CTNNA3: variants seen among roughly 807,000 people sequenced by gnomAD.
CTNNA3 encodes the protein catenin alpha-3.
In CTNNA3, 76 loss-of-function variants were observed where a neutral mutation model predicts 95.7. The observed-to-expected ratio is 0.79, with a 90% CI of 0.66 to 0.96. The LOEUF (loss-of-function observed/expected upper bound fraction) is 0.96. Ranked by LOEUF, CTNNA3 falls within the 40% of genes least tolerant of loss-of-function variation. CTNNA3 has a pLI of 0.00. For missense variants in CTNNA3, 1,191 were observed against 1,089.8 expected (o/e 1.09, Z -1.31); for synonymous variants, 431 against 374.4 (o/e 1.15, Z -1.74).
chr10:67,367,544 G>A (rs958796123), intron 5 of CTNNA3, among the ~76,000 whole-genome samples: 1 of 152,090 alleles, frequency 6.6e-6, no homozygotes, highest in African/African-American at 2.4e-5. Context: ...ATTACCATGC[G>A]AACAGCAATC....
chr10:67,510,919 G>A (rs1839605277), intron 5 of CTNNA3, among the ~76,000 whole-genome samples: 1 of 152,174 alleles, frequency 6.6e-6, no homozygotes, highest in African/African-American at 2.4e-5. Context: ...TCCCTTGTAA[G>A]TTGGATCCCT....
intron 1 of CTNNA3, among the ~76,000 whole-genome samples, chr10:67,672,273 G>A (rs1350689386): frequency 6.6e-6 from 1 of 152,120 alleles, no homozygotes; most frequent in Non-Finnish European, 1.5e-5. Context: ...TTTGTCAGAT[G>A]AGTAGGTTGC....
At chr10:65,935,102 A>G (rs2077314725) in intron 17 of CTNNA3, among the ~76,000 whole-genome samples, 3 of 152,160 alleles carry the variant, frequency 2.0e-5, no homozygotes, top group South Asian at 2.1e-4. Flanking sequence ...TGTTCATATA[A>G]CATGATATGT....
At chr10:67,667,699 C>G (rs1346726412) in intron 1 of CTNNA3, among the ~76,000 whole-genome samples, 2 of 152,086 alleles carry the variant, frequency 1.3e-5, no homozygotes, top group African/African-American at 4.8e-5. Context: ...ATAAGATCGT[C>G]TCTCATACTC....
chr10:65,924,360 G>A (rs2077134241), intron 17 of CTNNA3, among the ~76,000 whole-genome samples: 1 of 151,996 alleles, frequency 6.6e-6, no homozygotes, highest in Non-Finnish European at 1.5e-5. Context: ...TATGCTTCAG[G>A]ATCTATGAGC....
chr10:67,655,872 G>A (rs1221690058), intron 1 of CTNNA3, among the ~76,000 whole-genome samples: 1 of 150,886 alleles, frequency 6.6e-6, no homozygotes, highest in Non-Finnish European at 1.5e-5. Flanking sequence ...AGAAAAATTA[G>A]TATAATATAG....
intron 5 of CTNNA3, among the ~76,000 whole-genome samples, chr10:67,450,021 T>C (rs1846907924): frequency 6.9e-6 from 1 of 145,270 alleles, no homozygotes; most frequent in South Asian, 2.1e-4. Context: ...AGACATAACA[T>C]GTGGCCAACA....
intron 9 of CTNNA3, among the ~76,000 whole-genome samples, chr10:66,696,239 A>G (rs1406902994): frequency 6.6e-6 from 1 of 152,198 alleles, no homozygotes; most frequent in East Asian, 1.9e-4. Context: ...ACCGTTTTTT[A>G]GATGTCATCA....
At chr10:66,222,838 G>A (rs544267912) in intron 13 of CTNNA3, among the ~76,000 whole-genome samples, 17 of 152,194 alleles carry the variant, frequency 1.1e-4, no homozygotes, top group African/African-American at 3.9e-4. Flanking sequence ...TATTCATAAA[G>A]CAGCTGCTTA....
chr10:66,448,166 G>A (rs1235121879), intron 11 of CTNNA3, among the ~76,000 whole-genome samples: 1 of 152,042 alleles, frequency 6.6e-6, no homozygotes, highest in African/African-American at 2.4e-5. Flanking sequence ...TCATTAAAAA[G>A]TCAGGAAACA....
At chr10:67,677,300 A>G (rs1840553118) in intron 1 of CTNNA3, among the ~76,000 whole-genome samples, 1 of 152,200 alleles carries the variant, frequency 6.6e-6, no homozygotes, top group Non-Finnish European at 1.5e-5. Context: ...TTTCAGATAA[A>G]CAAAGAATAA....
chr10:66,254,957 G>A (rs961537053), intron 13 of CTNNA3, among the ~76,000 whole-genome samples: 17 of 152,162 alleles, frequency 1.1e-4, no homozygotes, highest in African/African-American at 3.6e-4. Context: ...ATTATCCAAA[G>A]GCCAAGACAA....
At chr10:67,296,817 C>G (rs1255789834) in intron 5 of CTNNA3, among the ~76,000 whole-genome samples, 1 of 151,456 alleles carries the variant, frequency 6.6e-6, no homozygotes, top group Admixed American at 6.6e-5. Context: ...GCCTGTAATC[C>G]CAGCTACTTG....
intron 17 of CTNNA3, among the ~76,000 whole-genome samples, chr10:65,946,617 C>T (rs574155232): frequency 4.7e-4 from 72 of 152,244 alleles, no homozygotes; most frequent in African/African-American, 1.6e-3. Context: ...TTTTCTCTCT[C>T]CATCTAACCA....
At chr10:66,187,712 G>A (rs941679515) in intron 13 of CTNNA3, among the ~76,000 whole-genome samples, 3 of 152,064 alleles carry the variant, frequency 2.0e-5, no homozygotes, top group Admixed American at 1.3e-4. Flanking sequence ...TAAAAAGAAT[G>A]CTAATTTTAC....
At chr10:67,071,330 G>GTT (rs10688142) in intron 7 of CTNNA3, among the ~76,000 whole-genome samples, 72,132 of 140,096 alleles carry the variant, frequency 0.51, 18,781 homozygotes, top group Middle Eastern at 0.64. Flanking sequence ...TGTATTTTGG[G>GTT]TTTTTTTTTT....
chr10:66,436,290 T>A (rs2093337318), intron 11 of CTNNA3, among the ~76,000 whole-genome samples: 1 of 152,128 alleles, frequency 6.6e-6, no homozygotes, highest in African/African-American at 2.4e-5. Flanking sequence ...AGTCTCCCAC[T>A]ATTATTGTTT....
At chr10:67,613,068 A>G (rs1354413800) in intron 2 of CTNNA3, among the ~76,000 whole-genome samples, 2 of 152,170 alleles carry the variant, frequency 1.3e-5, no homozygotes, top group East Asian at 3.8e-4. Context: ...TTTTGAGGCA[A>G]TTTTGATCTC....
chr10:66,069,623 A>G (rs750314172), intron 14 of CTNNA3, 134 bp from the exon 15 acceptor site: 29 of 596,700 alleles, frequency 4.9e-5, no homozygotes, highest in Admixed American at 7.2e-5. Context: ...AATTCATTCA[A>G]TTAAAACTTT....
Sources: allele counts gnomAD v4.1 joint callset (sites outside exome capture counted in the v4.1 genomes callset), GRCh38; gene constraint gnomAD v4.1.1; transcripts MANE v1.5; gene names NCBI Gene and HGNC (gene_info 2026-07-23, HGNC 2026-07-21).